The following TNR variants were observed in gnomAD, a reference collection of about 807,000 sequenced individuals.
TNR encodes tenascin R.
TNR carries 45 observed loss-of-function variants against 150.4 expected under a neutral mutation model. The observed-to-expected ratio is 0.30, with a 90% CI of 0.24 to 0.38. TNR has a LOEUF of 0.38. TNR is among the 10% of genes least tolerant of loss of function. TNR has a pLI of 1.00. For missense variants in TNR, 1,544 were observed against 1,759.1 expected (o/e 0.88, Z 2.19); for synonymous variants, 687 against 678.4 (o/e 1.01, Z -0.20).
At chr1:175,624,826 G>T (rs1157249465) in intron 1 of TNR, among the ~76,000 whole-genome samples, 1 of 152,186 alleles carries the variant, frequency 6.6e-6, no homozygotes, top group South Asian at 2.1e-4. Flanking sequence ...GGAGCAACGT[G>T]CAGAGAAGAT....
Position 175,501,933 on chromosome 1 carries a change from A to G in TNR, c.-64+26336T>C, listed in dbSNP as rs549257521. Among the ~76,000 whole-genome samples, 10 of 152,302 alleles carry G rather than the reference A, an allele frequency of 6.6e-5. No homozygotes were observed. The East Asian group carries it at 1.9e-3, about 29-fold the overall frequency. On this transcript the variant is annotated intron_variant, in intron 2 of 22. Transcript: ENST00000367674. Reference sequence around the variant, plus strand: ...GGTGTGGGTACAGACAATGGCAATCATAATTCAGTGTAGTAGGAGTTATGA... The same window carrying G: ...GGTGTGGGTACAGACAATGGCAATCGTAATTCAGTGTAGTAGGAGTTATGA...
chr1:175,433,142 G>A (rs35764701), intron 2 of TNR, among the ~76,000 whole-genome samples: 2,075 of 152,204 alleles, frequency 0.014, 33 homozygotes, highest in South Asian at 0.052. Flanking sequence ...AAGGAGCCTG[G>A]GTTATGTTGA....
At chr1:175,402,046 G>C (rs557090098) in intron 4 of TNR, among the ~76,000 whole-genome samples, 1 of 152,008 alleles carries the variant, frequency 6.6e-6, no homozygotes, top group Non-Finnish European at 1.5e-5. Context: ...GGTGGCTCAC[G>C]CCTGTAATCC....
chr1:175,599,888 G>A lies in TNR; in HGVS notation c.-164-71519C>T, dbSNP rs753868610. On this transcript the variant is annotated intron_variant, in intron 1 of 22. Coordinates refer to ENST00000367674, the MANE Select transcript of TNR (RefSeq NM_003285.3). This position sits in a 1 kb window ranked among gnomAD's most constrained non-coding sequence, Gnocchi z 4.7. The stretch of plus-strand genomic sequence containing the variant: ...CTCGGGATGGAGGCAACCCCTCGGC[G>A]TGGGGATGCTGAGGCAGGCAAGAGA... Among the ~76,000 whole-genome samples the A allele has an allele frequency of 9.2e-5, 14 of 152,210 alleles. No homozygotes were observed. The highest frequency in any genetic ancestry group is 2.1e-4 in the Non-Finnish European group (14 of 68,034).
intron 2 of TNR, among the ~76,000 whole-genome samples, chr1:175,492,160 A>C (rs1469817896): frequency 6.6e-6 from 1 of 152,234 alleles, no homozygotes; most frequent in Non-Finnish European, 1.5e-5. Context: ...TGGAGGAAAA[A>C]AAAGGAGCAT....
At chr1:175,598,896 C>T (rs965248992) in intron 1 of TNR, among the ~76,000 whole-genome samples, 1 of 152,226 alleles carries the variant, frequency 6.6e-6, no homozygotes, top group African/African-American at 2.4e-5. Flanking sequence ...CTGGAATGCT[C>T]TAATGAATCT....
chr1:175,672,859 C>T (rs1665742809), intron 1 of TNR, among the ~76,000 whole-genome samples: 2 of 152,190 alleles, frequency 1.3e-5, no homozygotes, highest in South Asian at 2.1e-4. Flanking sequence ...ATGCTGCTTC[C>T]TGCTAGGTTC....
intron 2 of TNR, among the ~76,000 whole-genome samples, chr1:175,524,254 C>T (rs1195155532): frequency 6.6e-6 from 1 of 152,046 alleles, no homozygotes; most frequent in Non-Finnish European, 1.5e-5. Flanking sequence ...ATGCTACATG[C>T]ATGTCTGCCG....
chr1:175,471,798 A>T (rs1344283391), intron 2 of TNR, among the ~76,000 whole-genome samples: 1 of 152,212 alleles, frequency 6.6e-6, no homozygotes, highest in South Asian at 2.1e-4. Flanking sequence ...GTTTACTGTA[A>T]CATTTTTACG....
intron 3 of TNR, among the ~76,000 whole-genome samples, chr1:175,405,630 T>A (rs1325822138): frequency 2.4e-4 from 37 of 151,130 alleles, no homozygotes; most frequent in East Asian, 9.8e-4. Context: ...TGTGTGTGTG[T>A]GTGTGTGTGT....
At chr1:175,478,005 C>T (rs180919420) in intron 2 of TNR, among the ~76,000 whole-genome samples, 263 of 152,296 alleles carry the variant, frequency 1.7e-3, no homozygotes, top group Middle Eastern at 6.8e-3. Context: ...CCTACACTGT[C>T]ACTTGCTGGG....
chr1:175,445,572 T>C (rs1656012110), intron 2 of TNR, among the ~76,000 whole-genome samples: 1 of 152,230 alleles, frequency 6.6e-6, no homozygotes, highest in Non-Finnish European at 1.5e-5. Flanking sequence ...CTGCTAAGGT[T>C]TACTCATTAC....
At chr1:175,591,126 G>T (rs1430675719) in intron 1 of TNR, among the ~76,000 whole-genome samples, 1 of 152,144 alleles carries the variant, frequency 6.6e-6, no homozygotes, top group Non-Finnish European at 1.5e-5. Flanking sequence ...CATCCTCCTG[G>T]CCACCTCCTC....
At chr1:175,503,982 C>T (rs531173570) in intron 2 of TNR, among the ~76,000 whole-genome samples, 13 of 152,282 alleles carry the variant, frequency 8.5e-5, no homozygotes, top group African/African-American at 3.1e-4. Flanking sequence ...CTCCAAAAGC[C>T]TTCTCCAAGT....
At chr1:175,576,863 T>C (rs910043318) in intron 1 of TNR, among the ~76,000 whole-genome samples, 1 of 152,200 alleles carries the variant, frequency 6.6e-6, no homozygotes, top group African/African-American at 2.4e-5. Context: ...TTCACACTAA[T>C]TACAACTTAT....
intron 18 of TNR, among the ~76,000 whole-genome samples, chr1:175,343,224 C>T (rs774397264): frequency 4.6e-5 from 7 of 152,164 alleles, no homozygotes; most frequent in Admixed American, 2.6e-4. Context: ...CTGTACGCTC[C>T]GTCTCTGTCC....
At chr1:175,592,577 A>G (rs904539700) in intron 1 of TNR, among the ~76,000 whole-genome samples, 1 of 152,224 alleles carries the variant, frequency 6.6e-6, no homozygotes, top group South Asian at 2.1e-4. Flanking sequence ...CTCTCTTGCC[A>G]TCACTCATCT....
rs144527254 is a variant in TNR, at chr1:175,406,404, T to C, written c.311A>G (p.Gln104Arg). The change falls in exon 3 of 23, where the codon CAG becomes CGG. Residue 104 changes from glutamine to arginine, a missense_variant. This residue lies in a region of TNR where 1,254 missense variants were observed against 1,329.4 expected (regional missense o/e 0.94). Transcript: ENST00000367674. Reference protein sequence around the residue: ...EDETLAEYMGQTSDHESQVTF... With the variant: ...EDETLAEYMGRTSDHESQVTF... ...GACCTGGCTCTCGTGGTCTGAGGTC[T>C]GGCCCATGTACTCTGCCAGAGTCTC... is the stretch of plus-strand genomic sequence containing the variant. 5.1e-5 allele frequency: 82 copies of C among 1,614,178 alleles called. 1 individual carries two copies. In the African/African-American group the frequency reaches 1.0e-3, roughly 20 times the overall value.
Position 175,702,604 on chromosome 1 carries a change from C to T in TNR, c.-165+40622G>A, listed in dbSNP as rs368890027. ...GAACACACTGGAAATAGTTCTACCT[C>T]TAGGCACAGCAGGTGTGTGTGTGTA... is the stretch of plus-strand genomic sequence containing the variant. On this transcript the variant is annotated intron_variant, in intron 1 of 22. Coordinates refer to ENST00000367674, the MANE Select transcript of TNR (RefSeq NM_003285.3). Among the ~76,000 whole-genome samples, 403 of 152,252 alleles carry T rather than the reference C, an allele frequency of 2.6e-3. 3 individuals are homozygous for T. Among genetic ancestry groups the T allele is most frequent in the African/African-American group, 8.7e-3 (363 of 41,512 alleles).
Sources: gnomAD v4.1 joint callset for allele counts (sites outside exome capture counted in the v4.1 genomes callset) on GRCh38, gnomAD v4.1.1 for gene constraint, gnomAD v4.1.1 regional missense constraint, Gnocchi (gnomAD v3.1) non-coding constraint, MANE v1.5 for transcripts, NCBI Gene and HGNC (gene_info 2026-07-23, HGNC 2026-07-21) for gene names.